Variants in MLIP observed in about 807,000 individuals in gnomAD.
MLIP encodes muscular LMNA interacting protein.
A neutral mutation model predicts 84.8 loss-of-function variants in MLIP; 79 were observed. The ratio of observed to expected loss-of-function variants is 0.93; its 90% CI spans 0.78 to 1.12. MLIP has a LOEUF of 1.12. Ranked by LOEUF, MLIP falls within the 50% of genes most tolerant of loss-of-function variation. The pLI is 0.00. For missense variants in MLIP, 1,257 were observed against 1,160.6 expected (o/e 1.08, Z -1.21); for synonymous variants, 504 against 463.0 (o/e 1.09, Z -1.14).
chr6:54,103,927 A>G (rs999012875), intron 1 of MLIP, among the ~76,000 whole-genome samples: 3 of 152,128 alleles, frequency 2.0e-5, no homozygotes, highest in African/African-American at 7.2e-5. Flanking sequence ...TTTCTATTAT[A>G]TGATACCTTG....
At chr6:54,133,414 T>C (rs1047026566) in intron 3 of MLIP, among the ~76,000 whole-genome samples, 15 of 152,168 alleles carry the variant, frequency 9.9e-5, no homozygotes, top group African/African-American at 3.6e-4. Flanking sequence ...TATGCAATGA[T>C]TGGTATGTGA....
chr6:54,177,705 A>G (rs1057292744), intron 9 of MLIP, among the ~76,000 whole-genome samples: 3 of 152,176 alleles, frequency 2.0e-5, no homozygotes, highest in Non-Finnish European at 4.4e-5. Flanking sequence ...TATATACCCA[A>G]AGGAATATAA....
At chr6:54,254,415 A>G (rs891747609) in intron 12 of MLIP, among the ~76,000 whole-genome samples, 1 of 151,788 alleles carries the variant, frequency 6.6e-6, no homozygotes, top group Non-Finnish European at 1.5e-5. Context: ...GTGAGCCACC[A>G]CACCCAGTCA....
intron 1 of MLIP, among the ~76,000 whole-genome samples, chr6:54,036,659 AT>A (rs1347578177): frequency 6.6e-6 from 1 of 152,032 alleles, no homozygotes; most frequent in Non-Finnish European, 1.5e-5. Flanking sequence ...GGTACAATCA[AT>A]ATGAAAAACA....
intron 8 of MLIP, among the ~76,000 whole-genome samples, chr6:54,161,623 G>C (rs1487778996): frequency 1.3e-5 from 2 of 151,456 alleles, no homozygotes; most frequent in Non-Finnish European, 3.0e-5. Context: ...CTTAAAATAT[G>C]GGACACTGTG....
chr6:54,235,141 CT>C (rs1293549184), intron 12 of MLIP, among the ~76,000 whole-genome samples: 1 of 152,142 alleles, frequency 6.6e-6, no homozygotes, highest in Non-Finnish European at 1.5e-5. Context: ...ATGCTTTATG[CT>C]TTTTCTGCTT....
At chr6:54,106,704 G>C (rs1769043643), upstream of MLIP, among the ~76,000 whole-genome samples, 2 of 152,138 alleles carry the variant, frequency 1.3e-5, no homozygotes, top group African/African-American at 2.4e-5. Context: ...AATTTTGGGA[G>C]GTGGGGAACA....
intron 10 of MLIP, among the ~76,000 whole-genome samples, chr6:54,196,832 C>T (rs1778332124): frequency 6.6e-6 from 1 of 152,064 alleles, no homozygotes; most frequent in Non-Finnish European, 1.5e-5. Flanking sequence ...ACAATAAACA[C>T]AAACAGATGT....
intron 12 of MLIP, among the ~76,000 whole-genome samples, chr6:54,239,356 C>CATATATATATA (rs1781571246): frequency 7.1e-6 from 1 of 140,602 alleles, no homozygotes; most frequent in South Asian, 2.1e-4. Flanking sequence ...GCCATTTAAA[C>CATATATATATA]ATATATATAT....
chr6:54,079,077 G>A (rs1206272580), intron 1 of MLIP, among the ~76,000 whole-genome samples: 2 of 152,086 alleles, frequency 1.3e-5, no homozygotes, highest in East Asian at 3.8e-4. Flanking sequence ...TATTTGAAGG[G>A]ACATAATTAC....
intron 1 of MLIP, among the ~76,000 whole-genome samples, chr6:54,097,295 C>A (rs943092881): frequency 1.3e-5 from 2 of 152,102 alleles, no homozygotes; most frequent in African/African-American, 4.8e-5. Flanking sequence ...AGAGATCCAG[C>A]CATCACATCC....
At chr6:54,128,013 A>G (rs754052690) in intron 3 of MLIP, among the ~76,000 whole-genome samples, 10 of 152,218 alleles carry the variant, frequency 6.6e-5, no homozygotes, top group Non-Finnish European at 1.2e-4. Flanking sequence ...TAAGATAGTG[A>G]CTGTGGGAAT....
At chr6:54,019,291 G>T (rs1157705358) in intron 1 of MLIP, among the ~76,000 whole-genome samples, 1 of 152,082 alleles carries the variant, frequency 6.6e-6, no homozygotes, top group Non-Finnish European at 1.5e-5. Flanking sequence ...TTACACAAAT[G>T]AGGGCAAATT....
chr6:54,098,148 C>CTTTTTTT (rs5876357), intron 1 of MLIP, among the ~76,000 whole-genome samples: 15 of 123,844 alleles, frequency 1.2e-4, no homozygotes, highest in East Asian at 4.4e-4. Flanking sequence ...ATTTTTCTTT[C>CTTTTTTT]TTTTTTTTTT....
rs191588649 is a variant in MLIP, at chr6:54,141,361, T to C, written c.2217+3075T>C. On this transcript the variant is annotated intron_variant, in intron 4 of 13. Transcript: ENST00000502396. ...CCACTGTGTCGCCCAGGCTGCAGTG[T>C]AGTGGTGTGATCTTGGCTCACTGCA... 1.2e-4 allele frequency among the ~76,000 whole-genome samples: 18 copies of C among 145,086 alleles called. No homozygotes were observed. The East Asian group carries it at 3.7e-3, about 30-fold the overall frequency.
chr6:54,221,461 T>G (rs936287165), intron 11 of MLIP, among the ~76,000 whole-genome samples: 1 of 151,180 alleles, frequency 6.6e-6, no homozygotes, highest in Non-Finnish European at 1.5e-5. Context: ...TACCACAAAT[T>G]AAAAAAAAGG....
chr6:54,195,505 G>A (rs778252020), intron 10 of MLIP, among the ~76,000 whole-genome samples: 2 of 152,056 alleles, frequency 1.3e-5, no homozygotes, highest in African/African-American at 2.4e-5. Flanking sequence ...CTAGGTCAGC[G>A]CTGGTAGTTA....
chr6:54,100,743 G>A (rs1768583000), intron 1 of MLIP, among the ~76,000 whole-genome samples: 1 of 152,086 alleles, frequency 6.6e-6, no homozygotes, highest in Admixed American at 6.6e-5. Context: ...TCTACTAAAT[G>A]TTAAGCACTG....
intron 11 of MLIP, among the ~76,000 whole-genome samples, chr6:54,206,131 T>G (rs1355763907): frequency 2.0e-5 from 3 of 152,200 alleles, no homozygotes; most frequent in African/African-American, 7.2e-5. Context: ...ATTCTGACTA[T>G]TTATGAATTT....
Sources: gnomAD v4.1 joint callset for allele counts (sites outside exome capture counted in the v4.1 genomes callset) on GRCh38, gnomAD v4.1.1 for gene constraint, MANE v1.5 for transcripts, NCBI Gene and HGNC (gene_info 2026-07-23, HGNC 2026-07-21) for gene names.